Variants in ATG4B observed in about 807,000 individuals in gnomAD.
ATG4B encodes autophagy related 4B cysteine peptidase, also known as cysteine protease ATG4B.
Under a neutral mutation model 56.6 loss-of-function variants are expected in ATG4B, and 29 were observed. The ratio of observed to expected loss-of-function variants is 0.51; its 90% CI spans 0.38 to 0.70. ATG4B has a LOEUF of 0.70. ATG4B is among the 30% of genes least tolerant of loss of function. The probability of loss-of-function intolerance (pLI) is 0.00; values close to 1 mark genes in which losing one functional copy is unlikely to be tolerated. For synonymous variants in ATG4B, 224 were observed against 206.1 expected (o/e 1.09, Z -0.74); for missense variants, 461 against 515.5 (o/e 0.89, Z 1.02).
intron 10 of ATG4B, 58 bp from the exon 11 acceptor site, chr2:241,670,667 AC>A: frequency 6.7e-7 from 1 of 1,490,114 alleles, no homozygotes; most frequent in South Asian, 1.2e-5. Context: ...GGAAGCCCCC[AC>A]CTCTTAGCCG....
Position 241,651,074 on chromosome 2 carries a change from C to A in ATG4B, c.75C>A (p.Pro25=). The A allele has an allele frequency of 6.2e-7, 1 of 1,613,858 alleles. No individual in the cohort carries two copies. Among genetic ancestry groups the A allele is most frequent in the Non-Finnish European group, 8.5e-7 (1 of 1,179,846 alleles). ...AAGATTTTCCTGAGACCTCAGAGCC[C>A]GTTTGGATACTGGGTAGAAAATACA... The part of the protein sequence containing the change: ...EFEDFPETSE[P]VWILGRKYSI... Residue 25 remains proline, a synonymous_variant, in exon 2 of 13, where the codon CCC becomes CCA. Transcript: ENST00000404914. This position sits in a 1 kb window ranked among gnomAD's most constrained non-coding sequence, Gnocchi z 4.1.
rs560254066 is a variant in ATG4B, at chr2:241,638,529, C to T, written c.10+805C>T. Among the ~76,000 whole-genome samples the T allele has an allele frequency of 1.1e-4, 17 of 152,274 alleles. No individual in the cohort carries two copies. The East Asian group carries it at 3.3e-3, about 29-fold the overall frequency. ...ACACAGAAGTTTTAGCTCATTCATT[C>T]TTTGTGGGAACTGATTTGCCTTTTA... On this transcript the variant is annotated intron_variant, in intron 1 of 12. Coordinates refer to ENST00000404914, the MANE Select transcript of ATG4B (RefSeq NM_013325.5).
intron 5 of ATG4B, 99 bp from the exon 6 acceptor site, chr2:241,655,172 G>A: frequency 7.8e-7 from 1 of 1,274,546 alleles, no homozygotes; most frequent in East Asian, 2.5e-5. Flanking sequence ...GTCGGGTGCT[G>A]TCCAGGCCTT....
chr2:241,637,741 G>A lies in ATG4B; in HGVS notation c.10+17G>A. The A allele has an allele frequency of 6.4e-7, 1 of 1,572,520 alleles. No homozygotes were observed. The highest frequency in any genetic ancestry group is 8.6e-7 in the Non-Finnish European group (1 of 1,163,226). On this transcript the variant is annotated intron_variant, in intron 1 of 12. Coordinates refer to ENST00000404914, the MANE Select transcript of ATG4B (RefSeq NM_013325.5). ...TGGACGCAGGTGAGGAGTTGCCGGGGGTCGGTCTTTCCGCAGGAGGTGCTC... is the reference window on the plus strand; with the variant it reads ...TGGACGCAGGTGAGGAGTTGCCGGGAGTCGGTCTTTCCGCAGGAGGTGCTC...
At chr2:241,659,551 A>G (rs1427645200) in intron 7 of ATG4B, 5 of 357,288 alleles carry the variant, frequency 1.4e-5, no homozygotes, top group Non-Finnish European at 2.2e-5. Context: ...TGTAGCAACC[A>G]TCTCTAGCTG....
chr2:241,653,990 G>GAAAAAAAAAAAA (rs34757883), intron 4 of ATG4B, among the ~76,000 whole-genome samples: 1 of 72,912 alleles, frequency 1.4e-5, no homozygotes, highest in Non-Finnish European at 2.8e-5. Flanking sequence ...GACCCTATCT[G>GAAAAAAAAAAAA]AAAAAAAAAA....
At position 241,653,600 on chromosome 2, in the gene ATG4B, C is replaced by T. The variant is rs766483671; in HGVS notation, c.273C>T (p.His91=). Residue 91 remains histidine, a synonymous_variant, in exon 4 of 13, where the codon CAC becomes CAT. Coordinates refer to ENST00000404914, the MANE Select transcript of ATG4B (RefSeq NM_013325.5). ...TTGCCCAAGCCCTGGTGTGCCGGCACCTAGGCCGAGGTGAGTCACAGCCCT... is the reference window on the plus strand; with the variant it reads ...TTGCCCAAGCCCTGGTGTGCCGGCATCTAGGCCGAGGTGAGTCACAGCCCT... The part of the protein sequence containing the change: ...MIFAQALVCR[H]LGRDWRWTQR... 4 of 1,566,588 alleles carry T rather than the reference C, an allele frequency of 2.6e-6. No individual in the cohort carries two copies. The highest frequency in any genetic ancestry group is 3.5e-6 in the Non-Finnish European group (4 of 1,155,340).
chr2:241,653,390 A>G, intron 3 of ATG4B, 122 bp from the exon 4 acceptor site: 1 of 1,550,860 alleles, frequency 6.4e-7, no homozygotes, highest in Non-Finnish European at 8.7e-7. Context: ...CCCCAGGTGG[A>G]GCTGATGGAG....
intron 1 of ATG4B, among the ~76,000 whole-genome samples, chr2:241,648,916 G>A (rs1224268579): frequency 2.6e-5 from 4 of 152,226 alleles, no homozygotes; most frequent in Non-Finnish European, 4.4e-5. Context: ...AAATTTGTGT[G>A]CCTTTGACCC....
intron 7 of ATG4B, among the ~76,000 whole-genome samples, chr2:241,660,368 C>A (rs1414824118): frequency 6.6e-6 from 1 of 152,172 alleles, no homozygotes; most frequent in African/African-American, 2.4e-5. Flanking sequence ...TCTGGCCATC[C>A]TCGGGGGCAT....
intron 5 of ATG4B, 45 bp from the exon 6 acceptor site, chr2:241,655,226 G>A (rs1442138988): frequency 6.4e-7 from 1 of 1,569,954 alleles, no homozygotes; most frequent in East Asian, 2.3e-5. Flanking sequence ...AGAGGTCAGG[G>A]CTGGGGGCGG....
chr2:241,666,136 C>A (rs562988759), intron 7 of ATG4B, among the ~76,000 whole-genome samples: 1 of 152,244 alleles, frequency 6.6e-6, no homozygotes, highest in Non-Finnish European at 1.5e-5. Flanking sequence ...TGTTGAGAAA[C>A]CTCGATCTAG....
In ATG4B at chr2:241,673,324, G is replaced by C. The variant is rs1430466031; in HGVS notation, c.*1060G>C. 1 of 352,302 alleles carries C rather than the reference G, an allele frequency of 2.8e-6. No homozygotes were observed. Among genetic ancestry groups the C allele is most frequent in the Non-Finnish European group, 5.6e-6 (1 of 177,316 alleles). The allele number at this position is 352,302 out of a possible 1,614,324, so 21.8% of individuals were successfully genotyped here. On this transcript the variant is annotated 3_prime_UTR_variant, in exon 13 of 13. Coordinates refer to ENST00000404914, the MANE Select transcript of ATG4B (RefSeq NM_013325.5). ...GTGTAACCTGCTGTCCCGGGTCCCA[G>C]AGTGCACTCTGCCCCGCTGCTCTGC... is the stretch of plus-strand genomic sequence containing the variant.
chr2:241,657,055 C>T (rs1012013135), intron 6 of ATG4B, among the ~76,000 whole-genome samples: 1 of 151,316 alleles, frequency 6.6e-6, no homozygotes, highest in Non-Finnish European at 1.5e-5. Context: ...CTGCTTCCTC[C>T]ACCTCCTGGG....
rs959065444 is a variant in ATG4B, at chr2:241,673,205, T to C, written c.*941T>C. 7.9e-6 allele frequency: 2 copies of C among 251,664 alleles called. No individual in the cohort carries two copies. Among genetic ancestry groups the C allele is most frequent in the South Asian group, 3.9e-5 (1 of 25,502 alleles). The allele number at this position is 251,664 out of a possible 1,614,324, so 15.6% of individuals were successfully genotyped here. A position where few individuals can be genotyped will look rare whatever the true frequency, so the allele number is the denominator to read the frequency against. On this transcript the variant is annotated 3_prime_UTR_variant, in exon 13 of 13. Transcript: ENST00000404914. The stretch of plus-strand genomic sequence containing the variant: ...AAAGGGGAAAACCACTTGAGTCTTG[T>C]GGTGTGTGGTGGGCAGACACCACAG...
chr2:241,671,058 TG>T (rs1379988739), intron 11 of ATG4B, among the ~76,000 whole-genome samples: 3 of 151,988 alleles, frequency 2.0e-5, no homozygotes, highest in African/African-American at 7.3e-5. Context: ...GAGATGGGGG[TG>T]GTGATGGGGT....
chr2:241,659,376 C>T (rs1437561672), intron 7 of ATG4B, 189 bp downstream of exon 7: 1 of 672,676 alleles, frequency 1.5e-6, no homozygotes, highest in Middle Eastern at 2.4e-4. Context: ...GGCGGTCATA[C>T]CAAGAGAGGA....
chr2:241,668,918 A>AGAGCGTGTGTCTGGATGT lies in ATG4B; in HGVS notation c.957+244_957+261dup. On this transcript the variant is annotated intron_variant, in intron 10 of 12. Coordinates refer to ENST00000404914, the MANE Select transcript of ATG4B (RefSeq NM_013325.5). This position sits in a 1 kb window ranked among gnomAD's most constrained non-coding sequence, Gnocchi z 4.2. ...CCTTCATGGCCTTCGAGTGGCCCAG[A>AGAGCGTGTGTCTGGATGT]GAGCGTGTGTCTGGATGTGAGCGTG... is the stretch of plus-strand genomic sequence containing the variant. 1 of 601,564 alleles carries AGAGCGTGTGTCTGGATGT rather than the reference A, an allele frequency of 1.7e-6. No individual in the cohort carries two copies. Among genetic ancestry groups the AGAGCGTGTGTCTGGATGT allele is most frequent in the South Asian group, 2.1e-5 (1 of 47,818 alleles). 37.3% of individuals were successfully genotyped at this position (601,564 alleles called of 1,614,324 possible).
At chr2:241,670,681 T>C in intron 10 of ATG4B, 45 bp from the exon 11 acceptor site, 1 of 1,556,734 alleles carries the variant, frequency 6.4e-7, no homozygotes, top group Non-Finnish European at 8.8e-7. Flanking sequence ...CTTAGCCGAC[T>C]GCAGATGGGG....
Sources: allele counts gnomAD v4.1 joint callset (sites outside exome capture counted in the v4.1 genomes callset), GRCh38; gene constraint gnomAD v4.1.1; non-coding constraint Gnocchi (gnomAD v3.1); transcripts MANE v1.5; gene names NCBI Gene and HGNC (gene_info 2026-07-23, HGNC 2026-07-21).